The following B3GALT1 variants were observed in gnomAD, a reference collection of about 807,000 sequenced individuals.
B3GALT1 encodes UDP-Gal:betaGlcNAc beta 1,3-galactosyltransferase, polypeptide 1.
A neutral mutation model predicts 23.2 loss-of-function variants in B3GALT1; 10 were observed. That is an observed-to-expected ratio of 0.43 (90% CI 0.27 to 0.73). B3GALT1 has a LOEUF of 0.73. B3GALT1 is among the 30% of genes least tolerant of loss of function. The probability of loss-of-function intolerance (pLI) is 0.21; values close to 1 mark genes in which losing one functional copy is unlikely to be tolerated. For synonymous variants in B3GALT1, 156 were observed against 141.5 expected (o/e 1.10, Z -0.73); for missense variants, 299 against 405.4 (o/e 0.74, Z 2.25).
intron 2 of B3GALT1, among the ~76,000 whole-genome samples, chr2:167,559,036 G>A (rs1329122932): frequency 6.6e-6 from 1 of 152,232 alleles, no homozygotes; most frequent in African/African-American, 2.4e-5. Context: ...TGTCCCCTGA[G>A]CAGCCTAACT....
At chr2:167,840,727 G>A (rs1479919696) in intron 4 of B3GALT1, among the ~76,000 whole-genome samples, 1 of 151,444 alleles carries the variant, frequency 6.6e-6, no homozygotes, top group Admixed American at 6.6e-5. Context: ...ACATGCACAT[G>A]TATGTTTATT....
At chr2:167,345,211 G>T (rs1292095242) in intron 1 of B3GALT1, among the ~76,000 whole-genome samples, 1 of 151,766 alleles carries the variant, frequency 6.6e-6, no homozygotes, top group Non-Finnish European at 1.5e-5. Context: ...CTATAAGTTG[G>T]CCATTGATAG....
At chr2:167,617,371 ACCTAT>A (rs1315147751) in intron 2 of B3GALT1, among the ~76,000 whole-genome samples, 1 of 152,086 alleles carries the variant, frequency 6.6e-6, no homozygotes, top group Non-Finnish European at 1.5e-5. Flanking sequence ...TCACTCTTAA[ACCTAT>A]CAATGGCAAA....
chr2:167,381,102 C>G (rs539367500), intron 1 of B3GALT1, among the ~76,000 whole-genome samples: 59 of 152,230 alleles, frequency 3.9e-4, no homozygotes, highest in African/African-American at 1.4e-3. Context: ...GGGTTTTGCT[C>G]TGTCATCCAG....
At chr2:167,308,056 A>G (rs1696576958) in intron 1 of B3GALT1, among the ~76,000 whole-genome samples, 1 of 152,052 alleles carries the variant, frequency 6.6e-6, no homozygotes, top group Admixed American at 6.6e-5. Flanking sequence ...TAGTAACACA[A>G]AATAATTGTT....
intron 1 of B3GALT1, among the ~76,000 whole-genome samples, chr2:167,333,088 T>G (rs1249274896): frequency 1.3e-5 from 2 of 152,210 alleles, no homozygotes; most frequent in Non-Finnish European, 2.9e-5. Flanking sequence ...GTGCATTTAC[T>G]TTCACTCTTC....
intron 3 of B3GALT1, among the ~76,000 whole-genome samples, chr2:167,723,363 G>A (rs773571873): frequency 4.6e-5 from 7 of 152,080 alleles, no homozygotes; most frequent in Non-Finnish European, 5.9e-5. Flanking sequence ...AAATTTCAAA[G>A]CAGAAGTTTT....
chr2:167,780,663 T>C (rs1688231339), intron 3 of B3GALT1, among the ~76,000 whole-genome samples: 1 of 152,244 alleles, frequency 6.6e-6, no homozygotes, highest in African/African-American at 2.4e-5. Context: ...AGTTGTTTCC[T>C]GACACCACCA....
intron 4 of B3GALT1, among the ~76,000 whole-genome samples, chr2:167,863,118 T>G (rs990567868): frequency 2.6e-5 from 4 of 152,220 alleles, no homozygotes; most frequent in Non-Finnish European, 5.9e-5. Flanking sequence ...TTTTTAATCT[T>G]GTAAAACTGA....
intron 2 of B3GALT1, among the ~76,000 whole-genome samples, chr2:167,561,315 C>T (rs566769846): frequency 1.6e-4 from 25 of 152,066 alleles, no homozygotes; most frequent in South Asian, 6.2e-4. Context: ...AGTGTGTAGA[C>T]GGAAATTTAT....
rs992823423 is a variant in B3GALT1, at chr2:167,293,033, G to C, written c.-812G>C. ...TCGCCGGGGAAGCGCAGCCGGGCTC[G>C]GGTGCTTCGGCTGCCGCCGCGGCTG... On this transcript the variant is annotated 5_prime_UTR_variant, in exon 1 of 5. Transcript: ENST00000392690. 4.0e-5 allele frequency: 6 copies of C among 151,828 alleles called. No homozygotes were observed. The highest frequency in any genetic ancestry group is 1.9e-4 in the East Asian group (1 of 5,148). The allele number at this position is 151,828 out of a possible 1,614,324, so 9.4% of individuals were successfully genotyped here.
chr2:167,428,234 G>C (rs1029813864), intron 1 of B3GALT1, among the ~76,000 whole-genome samples: 1 of 152,314 alleles, frequency 6.6e-6, no homozygotes, highest in East Asian at 1.9e-4. Flanking sequence ...TTACCTAACT[G>C]TGAGAGGTAG....
intron 2 of B3GALT1, among the ~76,000 whole-genome samples, chr2:167,617,674 G>A (rs1574170790): frequency 6.6e-6 from 1 of 152,018 alleles, no homozygotes; most frequent in South Asian, 2.1e-4. Flanking sequence ...TTCTAATTTG[G>A]GAGGTACAGG....
intron 3 of B3GALT1, among the ~76,000 whole-genome samples, chr2:167,781,990 G>A (rs1340677627): frequency 8.5e-5 from 13 of 152,218 alleles, no homozygotes; most frequent in African/African-American, 3.1e-4. Context: ...CGATCTGCCC[G>A]CCTCGCCCTC....
chr2:167,382,672 G>A (rs1356285374), intron 1 of B3GALT1, among the ~76,000 whole-genome samples: 1 of 152,100 alleles, frequency 6.6e-6, no homozygotes, highest in East Asian at 1.9e-4. Context: ...TGGTGAATAC[G>A]GCATATAGAA....
chr2:167,783,438 C>T (rs1343726452), intron 3 of B3GALT1, among the ~76,000 whole-genome samples: 1 of 152,142 alleles, frequency 6.6e-6, no homozygotes, highest in Non-Finnish European at 1.5e-5. Flanking sequence ...CCCACCTCCA[C>T]CTAACGCCTG....
chr2:167,806,314 C>T (rs987750422), intron 3 of B3GALT1, among the ~76,000 whole-genome samples: 1 of 152,142 alleles, frequency 6.6e-6, no homozygotes, highest in Non-Finnish European at 1.5e-5. Context: ...ATTGAATACC[C>T]TTTATTTCCT....
At chr2:167,344,831 G>A (rs1697204369) in intron 1 of B3GALT1, among the ~76,000 whole-genome samples, 1 of 152,124 alleles carries the variant, frequency 6.6e-6, no homozygotes, top group African/African-American at 2.4e-5. Flanking sequence ...ACTAGTGAAT[G>A]TCATAGCCAG....
chr2:167,640,357 C>T (rs1685628836), intron 2 of B3GALT1, among the ~76,000 whole-genome samples: 1 of 150,106 alleles, frequency 6.7e-6, no homozygotes, highest in Admixed American at 6.6e-5. Context: ...CAGAGTTTTT[C>T]AGACAGATCT....
Sources: allele counts gnomAD v4.1 joint callset (sites outside exome capture counted in the v4.1 genomes callset), GRCh38; gene constraint gnomAD v4.1.1; transcripts MANE v1.5; gene names NCBI Gene and HGNC (gene_info 2026-07-23, HGNC 2026-07-21).